SNTG1: variants seen among roughly 807,000 people sequenced by gnomAD.
SNTG1 encodes the protein syntrophin gamma 1.
Under a neutral mutation model 74.7 loss-of-function variants are expected in SNTG1, and 39 were observed. The ratio of observed to expected loss-of-function variants is 0.52; its 90% CI spans 0.40 to 0.68. SNTG1 has a LOEUF of 0.68. Among genes scored for constraint, SNTG1 ranks in the 30% least tolerant of loss-of-function variants. The probability of loss-of-function intolerance (pLI) is 0.00; values close to 1 mark genes in which losing one functional copy is unlikely to be tolerated. For missense variants in SNTG1, 685 were observed against 609.5 expected (o/e 1.12, Z -1.30); for synonymous variants, 254 against 217.1 (o/e 1.17, Z -1.49).
In SNTG1 at chr8:50,025,780, A is replaced by C. The variant is rs545426835; in HGVS notation, c.-103+113549A>C. 1.1e-4 allele frequency among the ~76,000 whole-genome samples: 16 copies of C among 152,334 alleles called. No homozygotes were observed. In the South Asian group the frequency reaches 3.3e-3, roughly 32 times the overall value. On this transcript the variant is annotated intron_variant, in intron 1 of 18. Coordinates refer to ENST00000642720, the MANE Select transcript of SNTG1 (RefSeq NM_018967.5). ...TATTATTTTACTTTGTTATTGCTTT[A>C]GAAAATAACTTTCCTAATTGATACA...
intron 1 of SNTG1, among the ~76,000 whole-genome samples, chr8:50,010,342 G>C (rs2130557875): frequency 6.6e-6 from 1 of 152,220 alleles, no homozygotes; most frequent in South Asian, 2.1e-4. Context: ...AGCACAGAGA[G>C]CTTCAGGAAC....
chr8:50,573,676 T>C (rs1289197478), intron 12 of SNTG1, among the ~76,000 whole-genome samples: 1 of 151,804 alleles, frequency 6.6e-6, no homozygotes, highest in African/African-American at 2.4e-5. Context: ...GTATGAAGCA[T>C]ATTGTTTGAT....
rs191042630 is a variant in SNTG1 at position 50,774,345 on chromosome 8, A to C, written c.1396-18326A>C. Among the ~76,000 whole-genome samples, 177 of 152,098 alleles carry C rather than the reference A, an allele frequency of 1.2e-3. 1 individual carries two copies. The highest frequency in any genetic ancestry group is 4.0e-3 in the African/African-American group (166 of 41,560). ...ACCAGCAAAAGGCCAGAGAATCTTG[A>C]AAACAGCAAAATAAAAATGACTCAC... On this transcript the variant is annotated intron_variant, in intron 18 of 18. Coordinates refer to ENST00000642720, the MANE Select transcript of SNTG1 (RefSeq NM_018967.5).
chr8:50,001,462 C>G (rs1030883498), intron 1 of SNTG1, among the ~76,000 whole-genome samples: 2 of 152,086 alleles, frequency 1.3e-5, no homozygotes, highest in Non-Finnish European at 2.9e-5. Context: ...AAGAGTGAGG[C>G]CTTGTCAAAA....
chr8:50,477,455 T>C (rs2093705856), intron 8 of SNTG1, among the ~76,000 whole-genome samples: 1 of 151,906 alleles, frequency 6.6e-6, no homozygotes, highest in Non-Finnish European at 1.5e-5. Flanking sequence ...TACTACAAAA[T>C]ACCTGACCAA....
chr8:50,076,467 G>C lies in SNTG1; in HGVS notation c.-102-96094G>C, dbSNP rs546193320. On this transcript the variant is annotated intron_variant, in intron 1 of 18. Transcript: ENST00000642720. ...GTTTCTTTCCAAGAAGAACCATTTT[G>C]AGTGGACTATAAAATATGACCACAA... Among the ~76,000 whole-genome samples the C allele has an allele frequency of 3.0e-3, 462 of 152,204 alleles. 1 individual carries two copies. Among genetic ancestry groups the C allele is most frequent in the Admixed American group, 3.3e-3 (51 of 15,282 alleles).
intron 2 of SNTG1, among the ~76,000 whole-genome samples, chr8:50,329,828 G>GC (rs1209292713): frequency 2.7e-5 from 4 of 150,770 alleles, no homozygotes; most frequent in African/African-American, 9.7e-5. Context: ...TTTTTCTATT[G>GC]CATCGTCAGG....
At chr8:50,287,386 A>G (rs2088844103) in intron 2 of SNTG1, among the ~76,000 whole-genome samples, 1 of 152,160 alleles carries the variant, frequency 6.6e-6, no homozygotes, top group Admixed American at 6.6e-5. Context: ...CTGAAAGTTA[A>G]CGTCGTTGCC....
At chr8:50,124,217 C>T (rs1447797049) in intron 1 of SNTG1, among the ~76,000 whole-genome samples, 1 of 141,248 alleles carries the variant, frequency 7.1e-6, no homozygotes. Context: ...CATGTGAAGA[C>T]ACAGGGAGAA....
chr8:50,210,619 A>C (rs1463081007), intron 2 of SNTG1, among the ~76,000 whole-genome samples: 2 of 152,200 alleles, frequency 1.3e-5, no homozygotes, highest in Non-Finnish European at 2.9e-5. Context: ...TTTCATATCC[A>C]GCCAAACTAA....
intron 1 of SNTG1, among the ~76,000 whole-genome samples, chr8:50,169,318 G>A (rs146612974): frequency 6.6e-6 from 1 of 152,204 alleles, no homozygotes; most frequent in African/African-American, 2.4e-5. Context: ...AAACTCACAT[G>A]TATACTCATA....
intron 2 of SNTG1, among the ~76,000 whole-genome samples, chr8:50,366,939 AT>A (rs1219460018): frequency 6.7e-6 from 1 of 148,464 alleles, no homozygotes; most frequent in Non-Finnish European, 1.5e-5. Context: ...ATAATATATA[AT>A]ATAGTATACT....
At chr8:49,994,282 G>A (rs1432458175) in intron 1 of SNTG1, among the ~76,000 whole-genome samples, 1 of 132,260 alleles carries the variant, frequency 7.6e-6, no homozygotes, top group African/African-American at 2.9e-5. Flanking sequence ...TTGAGATGGA[G>A]TCTCACTCTG....
intron 2 of SNTG1, among the ~76,000 whole-genome samples, chr8:50,352,725 A>C (rs2131013372): frequency 6.6e-6 from 1 of 152,320 alleles, no homozygotes; most frequent in Non-Finnish European, 1.5e-5. Flanking sequence ...ATAGAAGTTA[A>C]GACAGCTATT....
chr8:50,304,170 T>A (rs2089777489), intron 2 of SNTG1, among the ~76,000 whole-genome samples: 3 of 152,212 alleles, frequency 2.0e-5, no homozygotes, highest in Admixed American at 6.5e-5. Flanking sequence ...GTGTTGCATA[T>A]CTTGGGTGTG....
chr8:49,972,736 T>C (rs985064865), intron 1 of SNTG1, among the ~76,000 whole-genome samples: 3 of 151,444 alleles, frequency 2.0e-5, no homozygotes, highest in African/African-American at 7.3e-5. Context: ...AAAGAAGACA[T>C]CTATGCAGCC....
intron 2 of SNTG1, among the ~76,000 whole-genome samples, chr8:50,327,378 TC>T (rs1330945972): frequency 3.3e-5 from 5 of 152,164 alleles, no homozygotes; most frequent in Non-Finnish European, 7.4e-5. Flanking sequence ...GACTATTAAA[TC>T]TTTTTAGAGA....
chr8:50,387,191 C>G lies in SNTG1; in HGVS notation c.-27-7021C>G, dbSNP rs1281965633. 5.9e-5 allele frequency among the ~76,000 whole-genome samples: 9 copies of G among 152,092 alleles called. No homozygotes were observed. In the East Asian group the frequency reaches 1.7e-3, roughly 29 times the overall value. On this transcript the variant is annotated intron_variant, in intron 2 of 18. Coordinates refer to ENST00000642720, the MANE Select transcript of SNTG1 (RefSeq NM_018967.5). ...GCCTCTTTGTCTTTGCCACTTGGGC[C>G]CTGTCATCCCAGGATCCAATTACTG... is the stretch of plus-strand genomic sequence containing the variant.
rs12114387 is a variant in SNTG1 at position 50,455,197 on chromosome 8, G to T, written c.363+4468G>T. On this transcript the variant is annotated intron_variant, in intron 8 of 18. Coordinates refer to ENST00000642720, the MANE Select transcript of SNTG1 (RefSeq NM_018967.5). ...CTGGTTCTAATAGGATAATCTATTCGTATAACTGAAATTTCCATCTAATGA... is the reference window on the plus strand; with the variant it reads ...CTGGTTCTAATAGGATAATCTATTCTTATAACTGAAATTTCCATCTAATGA... Among the ~76,000 whole-genome samples the T allele has an allele frequency of 3.3e-5, 5 of 152,072 alleles. No individual in the cohort carries two copies. In the East Asian group the frequency reaches 7.7e-4, roughly 23 times the overall value.
Sources: allele counts gnomAD v4.1 joint callset (sites outside exome capture counted in the v4.1 genomes callset), GRCh38; gene constraint gnomAD v4.1.1; transcripts MANE v1.5; gene names NCBI Gene and HGNC (gene_info 2026-07-23, HGNC 2026-07-21).